The following ATP2B3 variants were observed in gnomAD, a reference collection of about 807,000 sequenced individuals.
The protein encoded by ATP2B3 is plasma membrane calcium-transporting ATPase 3.
In ATP2B3, 12 loss-of-function variants were observed where a neutral mutation model predicts 70.8. That is an observed-to-expected ratio of 0.17 (90% CI 0.11 to 0.27). The LOEUF (loss-of-function observed/expected upper bound fraction) is 0.27, where lower values mean the gene tolerates loss of function less well. ATP2B3 is among the 10% of genes least tolerant of loss of function. The pLI is 1.00. For synonymous variants in ATP2B3, 460 were observed against 497.8 expected, an observed-to-expected ratio of 0.92 and a Z score of 1.01; for missense variants, 858 against 1,118.5, an observed-to-expected ratio of 0.77 and a Z score of 3.32.
chrX:153,546,847 G>T (rs1438586384), intron 8 of ATP2B3, among the ~76,000 whole-genome samples: 1 of 113,055 alleles, frequency 8.8e-6, no homozygotes, highest in East Asian at 2.8e-4. Flanking sequence ...GAGGGCAGTG[G>T]GGGGACAGCC....
chrX:153,556,291 C>G, intron 14 of ATP2B3, 40 bp from the exon 15 acceptor site: 1 of 1,201,723 alleles, frequency 8.3e-7, no homozygotes, highest in Non-Finnish European at 1.1e-6. Flanking sequence ...CCTGCGTGCC[C>G]GCCTTAGCTC....
At chrX:153,555,630 G>A (rs926575755) in intron 13 of ATP2B3, among the ~76,000 whole-genome samples, 13 of 112,016 alleles carry the variant, frequency 1.2e-4, no homozygotes, top group African/African-American at 3.6e-4. Context: ...CTGGCTTCCC[G>A]CTCTCAACCC....
chrX:153,543,031 T>G lies in ATP2B3; in HGVS notation c.791-12T>G, dbSNP rs1363769712. On this transcript the variant is annotated splice_polypyrimidine_tract_variant and intron_variant, in intron 6 of 21. Transcript: ENST00000263519. ...ACAAATTCCTGTCTCAGTCTCTGTG[T>G]TGCTGTTCCAGGCACTCATGTCATG... 1 of 1,208,155 alleles carries G rather than the reference T, an allele frequency of 8.3e-7. No individual in the cohort carries two copies. Among genetic ancestry groups the G allele is most frequent in the Non-Finnish European group, 1.1e-6 (1 of 894,018 alleles).
intron 11 of ATP2B3, 81 bp from the exon 12 acceptor site, chrX:153,549,964 G>A (rs190580381): frequency 3.3e-5 from 39 of 1,168,156 alleles, no homozygotes; most frequent in Non-Finnish European, 4.1e-5. Flanking sequence ...GTGACCACGA[G>A]GGGGCAGAGC....
intron 9 of ATP2B3, among the ~76,000 whole-genome samples, chrX:153,548,273 C>T (rs2090401091): frequency 1.1e-5 from 1 of 94,320 alleles, no homozygotes; most frequent in Non-Finnish European, 2.4e-5. Context: ...AGGCTCCAGG[C>T]TCTGCCCCTG....
In ATP2B3 at chrX:153,562,025, C is replaced by T. The variant is rs2090633153; in HGVS notation, c.3052-110C>T. 8 of 663,910 alleles carry T rather than the reference C, an allele frequency of 1.2e-5. No homozygotes were observed. The South Asian group carries it at 1.8e-4, about 15-fold the overall frequency. 54.7% of individuals were successfully genotyped at this position (663,910 alleles called of 1,213,427 possible). Reference sequence around the variant, plus strand: ...TGTGGTCCTCTCGCAAGGAGCAGCCCGTGCAACTGGGGGAACCAACCAGGG... The same window carrying T: ...TGTGGTCCTCTCGCAAGGAGCAGCCTGTGCAACTGGGGGAACCAACCAGGG... On this transcript the variant is annotated intron_variant, in intron 19 of 21. Transcript: ENST00000263519.
In ATP2B3 at chrX:153,559,899, C is replaced by T. The variant is rs782420658; in HGVS notation, c.2796C>T (p.His932=). 1.6e-5 allele frequency: 19 copies of T among 1,210,301 alleles called. No homozygotes were observed. In the South Asian group the frequency reaches 2.6e-4, roughly 17 times the overall value. The change falls in exon 18 of 22, where the codon CAC becomes CAT. Residue 932 remains histidine, a synonymous_variant. Coordinates refer to ENST00000263519, the MANE Select transcript of ATP2B3 (RefSeq NM_001001344.3). The stretch of plus-strand genomic sequence containing the variant: ...CCATGATGAAGAACATTCTGGGCCA[C>T]GCCGTGTACCAGCTCGCCATCATCT... ...SRTMMKNILG[H]AVYQLAIIFT...
intron 2 of ATP2B3, among the ~76,000 whole-genome samples, chrX:153,521,639 T>G (rs2089960803): frequency 8.9e-6 from 1 of 111,867 alleles, no homozygotes; most frequent in South Asian, 3.7e-4. Context: ...GCCTCTCTTG[T>G]TCTGTAGGTG....
At chrX:153,554,630 C>T (rs1437615853) in intron 13 of ATP2B3, among the ~76,000 whole-genome samples, 5 of 112,896 alleles carry the variant, frequency 4.4e-5, no homozygotes, top group African/African-American at 1.6e-4. Context: ...ACACAAGGGC[C>T]TCACTGAAAC....
chrX:153,519,950 G>A (rs60869463), intron 2 of ATP2B3, among the ~76,000 whole-genome samples: 20,350 of 111,779 alleles, frequency 0.18, 1,759 homozygotes, highest in East Asian at 0.36. Context: ...TGCCCCAATC[G>A]GCCCCCGAGG....
At chrX:153,521,437 G>A (rs1268195590) in intron 2 of ATP2B3, among the ~76,000 whole-genome samples, 1 of 113,000 alleles carries the variant, frequency 8.8e-6, no homozygotes, top group East Asian at 2.8e-4. Flanking sequence ...TCACATGGCT[G>A]AGTAGGTGGC....
chrX:153,573,252 GC>G (rs1229023192), intron 21 of ATP2B3, among the ~76,000 whole-genome samples: 4 of 112,284 alleles, frequency 3.6e-5, no homozygotes, highest in Non-Finnish European at 7.5e-5. Context: ...GGCCAAAGGG[GC>G]CAAACCGGGC....
At position 153,560,541 on chromosome X, in the gene ATP2B3, C is replaced by T. The variant is rs2090608854; in HGVS notation, c.2840-135C>T. On this transcript the variant is annotated intron_variant, in intron 18 of 21. Transcript: ENST00000263519. ...TGGGGTGGGTGTGGCTGCCTTGGGCCTTGGCCGTGAGCTGGAAGTGGCCAT... is the reference window on the plus strand; with the variant it reads ...TGGGGTGGGTGTGGCTGCCTTGGGCTTTGGCCGTGAGCTGGAAGTGGCCAT... 6.8e-6 allele frequency: 5 copies of T among 732,965 alleles called. No individual in the cohort carries two copies. The East Asian group carries it at 1.4e-4, about 21-fold the overall frequency. The allele number at this position is 732,965 out of a possible 1,213,427, so 60.4% of individuals were successfully genotyped here.
chrX:153,546,241 G>C (rs1420906712), intron 8 of ATP2B3, 112 bp downstream of exon 8: 64 of 944,847 alleles, frequency 6.8e-5, no homozygotes, highest in Non-Finnish European at 9.4e-5. Flanking sequence ...AGCAACACTT[G>C]GAGACCAGGT....
At chrX:153,531,911 C>T (rs959621089) in intron 2 of ATP2B3, among the ~76,000 whole-genome samples, 7 of 111,927 alleles carry the variant, frequency 6.3e-5, no homozygotes, top group Non-Finnish European at 1.3e-4. Flanking sequence ...GGTGGGATCT[C>T]GCCCTCCATC....
chrX:153,580,172 C>G lies in ATP2B3; in HGVS notation c.3537C>G (p.Pro1179=). ...ERLRAPPPPS[P]NQNNNAIDSG... is the part of the protein sequence containing the mutation. ...TCCGGGCCCCCCCGCCCCCGTCCCC[C>G]AACCAGAACAACAACGCCATAGACA... The change falls in exon 22 of 22, where the codon CCC becomes CCG. Residue 1179 remains proline, a synonymous_variant. Coordinates refer to ENST00000263519, the MANE Select transcript of ATP2B3 (RefSeq NM_001001344.3). The G allele has an allele frequency of 8.3e-7, 1 of 1,206,653 alleles. No homozygotes were observed. The highest frequency in any genetic ancestry group is 1.1e-6 in the Non-Finnish European group (1 of 892,967).
At chrX:153,570,427 C>T (rs2090770549) in intron 21 of ATP2B3, among the ~76,000 whole-genome samples, 1 of 112,639 alleles carries the variant, frequency 8.9e-6, no homozygotes, top group Admixed American at 9.3e-5. Context: ...ACTCAGAGGC[C>T]TCTTCAAGAC....
intron 8 of ATP2B3, among the ~76,000 whole-genome samples, chrX:153,546,493 G>A (rs2090368066): frequency 8.8e-6 from 1 of 113,261 alleles, no homozygotes; most frequent in Non-Finnish European, 1.9e-5. Flanking sequence ...GTCCCAGTCA[G>A]TGTGTTTCCC....
chrX:153,525,136 C>T (rs1603014957), intron 2 of ATP2B3, among the ~76,000 whole-genome samples: 1 of 112,160 alleles, frequency 8.9e-6, no homozygotes, highest in East Asian at 2.8e-4. Context: ...CAAGAGAGCG[C>T]GGGAGATTGG....
Sources: allele counts gnomAD v4.1 joint callset (sites outside exome capture counted in the v4.1 genomes callset), GRCh38; gene constraint gnomAD v4.1.1; transcripts MANE v1.5; gene names NCBI Gene and HGNC (gene_info 2026-07-23, HGNC 2026-07-21).